The following NTNG1 variants were observed in gnomAD, a reference collection of about 807,000 sequenced individuals.
NTNG1 encodes the protein netrin-G1.
Under a neutral mutation model 54.0 loss-of-function variants are expected in NTNG1, and 16 were observed. The observed-to-expected ratio is 0.30, with a 90% CI of 0.20 to 0.45. The LOEUF (loss-of-function observed/expected upper bound fraction) is 0.45, where lower values mean the gene tolerates loss of function less well. Ranked by LOEUF, NTNG1 falls within the 20% of genes least tolerant of loss-of-function variation. The probability of loss-of-function intolerance (pLI) is 1.00; values close to 1 mark genes in which losing one functional copy is unlikely to be tolerated. For missense variants in NTNG1, 530 were observed against 678.7 expected, an observed-to-expected ratio of 0.78 and a Z score of 2.43; for synonymous variants, 255 against 263.1, an observed-to-expected ratio of 0.97 and a Z score of 0.30.
At chr1:107,409,658 G>A (rs1673670098) in intron 5 of NTNG1, 1 of 152,012 alleles carries the variant, frequency 6.6e-6, no homozygotes, top group South Asian at 2.1e-4. Context: ...AAAACCCTCT[G>A]ACTAAAAGTG....
rs550688588 is a variant in NTNG1, at chr1:107,154,468, C to T, written c.246+5629C>T. ...AAAATTAGCCAGACAAGGTGACATGCGCCTGTAGTCCCAGCTACTTGGGAG... is the reference window on the plus strand; with the variant it reads ...AAAATTAGCCAGACAAGGTGACATGTGCCTGTAGTCCCAGCTACTTGGGAG... On this transcript the variant is annotated intron_variant, in intron 2 of 7. Transcript: ENST00000370068. Among the ~76,000 whole-genome samples the T allele has an allele frequency of 5.3e-5, 8 of 151,394 alleles. No homozygotes were observed. In the South Asian group the frequency reaches 6.3e-4, roughly 12 times the overall value.
chr1:107,218,581 T>G (rs1005352262), intron 2 of NTNG1, among the ~76,000 whole-genome samples: 1 of 149,992 alleles, frequency 6.7e-6, no homozygotes, highest in African/African-American at 2.4e-5. Context: ...GAGATTCTAT[T>G]TTGGTGTATT....
intron 2 of NTNG1, among the ~76,000 whole-genome samples, chr1:107,167,689 G>A (rs897064901): frequency 6.6e-6 from 1 of 151,914 alleles, no homozygotes; most frequent in East Asian, 1.9e-4. Flanking sequence ...AATTTTTATT[G>A]AGTATATTTC....
At chr1:107,469,172 C>T (rs964201285) in intron 7 of NTNG1, among the ~76,000 whole-genome samples, 17 of 151,492 alleles carry the variant, frequency 1.1e-4, no homozygotes, top group African/African-American at 3.9e-4. Flanking sequence ...TGCTGCTTCT[C>T]CTCTCTTCCA....
chr1:107,311,419 G>C (rs988717503), intron 2 of NTNG1, among the ~76,000 whole-genome samples: 3 of 152,158 alleles, frequency 2.0e-5, no homozygotes, highest in Non-Finnish European at 4.4e-5. Flanking sequence ...GAAAGAACTG[G>C]GACATAATTG....
At chr1:107,178,031 G>C (rs1042784884) in intron 2 of NTNG1, among the ~76,000 whole-genome samples, 5 of 152,004 alleles carry the variant, frequency 3.3e-5, no homozygotes, top group African/African-American at 1.2e-4. Flanking sequence ...GCTGTCAGCC[G>C]TATTTTTATT....
At chr1:107,295,236 T>G (rs1430706201) in intron 2 of NTNG1, among the ~76,000 whole-genome samples, 3 of 152,204 alleles carry the variant, frequency 2.0e-5, no homozygotes, top group Non-Finnish European at 2.9e-5. Flanking sequence ...ACTTTGCTTC[T>G]TTTCTTGTGG....
chr1:107,313,031 C>G (rs1667118199), intron 2 of NTNG1, among the ~76,000 whole-genome samples: 1 of 152,046 alleles, frequency 6.6e-6, no homozygotes, highest in Admixed American at 6.6e-5. Context: ...AATATGGATC[C>G]TTTAGTAGCA....
At chr1:107,298,425 A>T (rs1666113601) in intron 2 of NTNG1, among the ~76,000 whole-genome samples, 1 of 152,136 alleles carries the variant, frequency 6.6e-6, no homozygotes, top group Non-Finnish European at 1.5e-5. Context: ...AGGACAAGGA[A>T]ATACTGAGTT....
intron 3 of NTNG1, among the ~76,000 whole-genome samples, chr1:107,350,901 A>C (rs922982160): frequency 6.6e-6 from 1 of 152,170 alleles, no homozygotes; most frequent in East Asian, 1.9e-4. Context: ...CAGGTTGAAT[A>C]AGTTTTGGAG....
At chr1:107,298,635 T>TA (rs1666128609) in intron 2 of NTNG1, among the ~76,000 whole-genome samples, 1 of 152,204 alleles carries the variant, frequency 6.6e-6, no homozygotes, top group African/African-American at 2.4e-5. Context: ...TTCCTCCCGC[T>TA]TATTTTGTCA....
intron 3 of NTNG1, among the ~76,000 whole-genome samples, chr1:107,379,738 CTAA>C (rs1189004239): frequency 6.6e-6 from 1 of 152,060 alleles, no homozygotes; most frequent in Admixed American, 6.5e-5. Context: ...TCTTAACAAC[CTAA>C]TAATGTAGGT....
At chr1:107,140,422 G>C (rs1309304121), upstream of NTNG1, among the ~76,000 whole-genome samples, 1 of 152,082 alleles carries the variant, frequency 6.6e-6, no homozygotes, top group Non-Finnish European at 1.5e-5. Flanking sequence ...GCCGGGAGCC[G>C]CTGGTGGGGG....
At chr1:107,384,803 G>A (rs1327980136) in intron 3 of NTNG1, among the ~76,000 whole-genome samples, 3 of 152,204 alleles carry the variant, frequency 2.0e-5, no homozygotes, top group African/African-American at 4.8e-5. Flanking sequence ...CAAATTGGCT[G>A]TTGTCCTCTT....
chr1:107,174,437 CCTT>C (rs1448273461), intron 2 of NTNG1, among the ~76,000 whole-genome samples: 3 of 152,038 alleles, frequency 2.0e-5, no homozygotes, highest in Non-Finnish European at 4.4e-5. Flanking sequence ...TTGTCTCCCT[CCTT>C]CTGCCCTGAT....
intron 6 of NTNG1, among the ~76,000 whole-genome samples, chr1:107,432,184 A>C (rs1675310076): frequency 6.6e-6 from 1 of 152,196 alleles, no homozygotes; most frequent in African/African-American, 2.4e-5. Flanking sequence ...AAGTCATTTG[A>C]GCCTTCTAGT....
chr1:107,152,713 T>C lies in NTNG1; in HGVS notation c.246+3874T>C, dbSNP rs143838855. Reference sequence around the variant, plus strand: ...ACAAAGATTATTAAAAAGTCTTCTGTGCATGTAATTTTGGCATAATATTAT... The same window carrying C: ...ACAAAGATTATTAAAAAGTCTTCTGCGCATGTAATTTTGGCATAATATTAT... On this transcript the variant is annotated intron_variant, in intron 2 of 7. Transcript: ENST00000370068. Among the ~76,000 whole-genome samples the C allele has an allele frequency of 8.9e-4, 135 of 152,286 alleles. 3 individuals are homozygous for C. In the East Asian group the frequency reaches 0.025, roughly 28 times the overall value.
chr1:107,328,274 C>A (rs114309567), intron 3 of NTNG1, among the ~76,000 whole-genome samples: 248 of 152,138 alleles, frequency 1.6e-3, no homozygotes, highest in African/African-American at 5.8e-3. Flanking sequence ...GAATAACAGA[C>A]GAGTGCAGTG....
At chr1:107,292,492 T>C (rs1305024784) in intron 2 of NTNG1, among the ~76,000 whole-genome samples, 1 of 152,068 alleles carries the variant, frequency 6.6e-6, no homozygotes, top group Non-Finnish European at 1.5e-5. Flanking sequence ...AAGCGGTCTC[T>C]CTGAAATAAT....
Sources: gnomAD v4.1 joint callset for allele counts (sites outside exome capture counted in the v4.1 genomes callset) on GRCh38, gnomAD v4.1.1 for gene constraint, MANE v1.5 for transcripts, NCBI Gene and HGNC (gene_info 2026-07-23, HGNC 2026-07-21) for gene names.